The following CSNK1G1 variants were observed in gnomAD, a reference collection of about 807,000 sequenced individuals.
CSNK1G1 encodes casein kinase 1 gamma 1.
Under a neutral mutation model 59.6 loss-of-function variants are expected in CSNK1G1, and 22 were observed. That is an observed-to-expected ratio of 0.37 (90% confidence interval 0.26 to 0.53). The LOEUF (loss-of-function observed/expected upper bound fraction) is 0.53. CSNK1G1 is among the 20% of genes least tolerant of loss of function. The pLI is 0.89. For missense variants in CSNK1G1, 384 were observed against 519.5 expected, an observed-to-expected ratio of 0.74 and a Z score of 2.54; for synonymous variants, 179 against 177.1, an observed-to-expected ratio of 1.01 and a Z score of -0.08.
At chr15:64,343,204 C>T (rs1204964477) in intron 1 of CSNK1G1, among the ~76,000 whole-genome samples, 1 of 149,536 alleles carries the variant, frequency 6.7e-6, no homozygotes, top group African/African-American at 2.5e-5. Context: ...AAGAGCAAAA[C>T]TCCAACACAC....
At chr15:64,303,908 G>A (rs1205208954) in intron 1 of CSNK1G1, among the ~76,000 whole-genome samples, 3 of 104,874 alleles carry the variant, frequency 2.9e-5, no homozygotes, top group Non-Finnish European at 4.0e-5. Context: ...TGAGAGCAAG[G>A]CCCTGTCCAA....
At chr15:64,265,532 G>A (rs1223175428) in intron 2 of CSNK1G1, among the ~76,000 whole-genome samples, 2 of 152,070 alleles carry the variant, frequency 1.3e-5, no homozygotes, top group African/African-American at 4.8e-5. Flanking sequence ...TGATTGTGAG[G>A]CCTCCCAGCT....
chr15:64,278,013 GAAT>G (rs1893839957), intron 2 of CSNK1G1, among the ~76,000 whole-genome samples: 1 of 143,414 alleles, frequency 7.0e-6, no homozygotes, highest in African/African-American at 2.6e-5. Context: ...TGATATATTT[GAAT>G]AATATATTAA....
intron 1 of CSNK1G1, among the ~76,000 whole-genome samples, chr15:64,318,425 G>C (rs1896386750): frequency 6.6e-6 from 1 of 152,092 alleles, no homozygotes; most frequent in Non-Finnish European, 1.5e-5. Context: ...TCATCACTCT[G>C]AAGTTTTCTT....
At chr15:64,270,517 T>C (rs537050230) in intron 2 of CSNK1G1, among the ~76,000 whole-genome samples, 1 of 152,226 alleles carries the variant, frequency 6.6e-6, no homozygotes, top group Non-Finnish European at 1.5e-5. Flanking sequence ...CTCAGCACTT[T>C]GGGAGGCCGA....
intron 11 of CSNK1G1, among the ~76,000 whole-genome samples, chr15:64,174,077 CTTCTA>C (rs1007439561): frequency 6.6e-6 from 1 of 152,168 alleles, no homozygotes. Flanking sequence ...TTTAAGTCAA[CTTCTA>C]TTCTTAATCT....
At chr15:64,267,552 A>T (rs1223441345) in intron 2 of CSNK1G1, among the ~76,000 whole-genome samples, 1 of 152,204 alleles carries the variant, frequency 6.6e-6, no homozygotes, top group Non-Finnish European at 1.5e-5. Context: ...TAGCAGATAC[A>T]TGACAAAATG....
chr15:64,313,361 C>G (rs1896094075), intron 1 of CSNK1G1, among the ~76,000 whole-genome samples: 1 of 152,110 alleles, frequency 6.6e-6, no homozygotes, highest in South Asian at 2.1e-4. Context: ...CAATGTCCAT[C>G]AATGATAGAC....
At chr15:64,277,763 A>G (rs1432288280) in intron 2 of CSNK1G1, among the ~76,000 whole-genome samples, 1 of 123,706 alleles carries the variant, frequency 8.1e-6, no homozygotes, top group Non-Finnish European at 1.6e-5. Flanking sequence ...TAATATAGCA[A>G]TATTGATATA....
intron 1 of CSNK1G1, among the ~76,000 whole-genome samples, chr15:64,339,017 C>A (rs1897549808): frequency 6.7e-6 from 1 of 149,216 alleles, no homozygotes; most frequent in Non-Finnish European, 1.5e-5. Flanking sequence ...AACTCCATCT[C>A]AAAAAAAAAG....
At chr15:64,347,195 G>A (rs1465578843) in intron 1 of CSNK1G1, among the ~76,000 whole-genome samples, 2 of 152,136 alleles carry the variant, frequency 1.3e-5, no homozygotes, top group African/African-American at 2.4e-5. Context: ...TTCATTACTC[G>A]TAGGAATACA....
intron 2 of CSNK1G1, among the ~76,000 whole-genome samples, chr15:64,280,975 G>A (rs979780362): frequency 6.6e-6 from 1 of 152,056 alleles, no homozygotes; most frequent in African/African-American, 2.4e-5. Flanking sequence ...CGCCTCCTGG[G>A]TTCACGCCAT....
At chr15:64,211,154 T>C (rs1315729165) in intron 6 of CSNK1G1, among the ~76,000 whole-genome samples, 1 of 152,206 alleles carries the variant, frequency 6.6e-6, no homozygotes, top group Admixed American at 6.5e-5. Flanking sequence ...ACTAAGTAAG[T>C]GTGGCTACTC....
intron 10 of CSNK1G1, 60 bp from the exon 11 acceptor site, chr15:64,180,514 C>T (rs573764337): frequency 7.4e-6 from 10 of 1,355,478 alleles, no homozygotes; most frequent in Non-Finnish European, 9.5e-6. Flanking sequence ...CTCTTGCCAG[C>T]GCCAGACAGG....
chr15:64,263,793 T>C (rs1892826551), intron 2 of CSNK1G1, among the ~76,000 whole-genome samples: 1 of 141,568 alleles, frequency 7.1e-6, no homozygotes, highest in East Asian at 2.2e-4. Flanking sequence ...TTTTTTTGGT[T>C]CCTTGTGGTT....
intron 1 of CSNK1G1, among the ~76,000 whole-genome samples, chr15:64,321,641 A>C (rs970791369): frequency 6.6e-6 from 1 of 152,202 alleles, no homozygotes; most frequent in African/African-American, 2.4e-5. Flanking sequence ...ATTACTAAAG[A>C]TCTATGGGCT....
chr15:64,282,131 G>A (rs1350604167), intron 2 of CSNK1G1, among the ~76,000 whole-genome samples: 1 of 151,752 alleles, frequency 6.6e-6, no homozygotes, highest in Non-Finnish European at 1.5e-5. Context: ...GTCTTGCTAT[G>A]TTGTCCAGGT....
intron 2 of CSNK1G1, among the ~76,000 whole-genome samples, chr15:64,276,684 G>A (rs929868598): frequency 4.6e-5 from 7 of 152,120 alleles, no homozygotes; most frequent in African/African-American, 1.7e-4. Flanking sequence ...GGTGGCTCAC[G>A]CCTGTAATCC....
intron 1 of CSNK1G1, among the ~76,000 whole-genome samples, chr15:64,326,531 C>T (rs1896844681): frequency 6.6e-6 from 1 of 151,996 alleles, no homozygotes; most frequent in Admixed American, 6.6e-5. Flanking sequence ...TTAATCCCAG[C>T]CACTCAGGAG....
Sources: gnomAD v4.1 joint callset for allele counts (sites outside exome capture counted in the v4.1 genomes callset) on GRCh38, gnomAD v4.1.1 for gene constraint, MANE v1.5 for transcripts, NCBI Gene and HGNC (gene_info 2026-07-23, HGNC 2026-07-21) for gene names.